The following COL14A1 variants were observed in gnomAD, a reference collection of about 807,000 sequenced individuals.
The protein encoded by COL14A1 is collagen alpha-1(XIV) chain.
A neutral mutation model predicts 230.3 loss-of-function variants in COL14A1; 136 were observed. That is an observed-to-expected ratio of 0.59 (90% confidence interval 0.51 to 0.68). The LOEUF (loss-of-function observed/expected upper bound fraction) is 0.68. COL14A1 is among the 30% of genes least tolerant of loss of function. The pLI is 0.00. For synonymous variants in COL14A1, 792 were observed against 784.1 expected (o/e 1.01, Z -0.17); for missense variants, 1,976 against 2,215.8 (o/e 0.89, Z 2.17).
intron 5 of COL14A1, among the ~76,000 whole-genome samples, chr8:120,184,887 T>G (rs73321671): frequency 1.3e-5 from 2 of 152,210 alleles, no homozygotes; most frequent in Non-Finnish European, 2.9e-5. Flanking sequence ...AAGAATCTGC[T>G]TTATTCAGTC....
At chr8:120,139,475 T>C (rs1167277821) in intron 1 of COL14A1, among the ~76,000 whole-genome samples, 1 of 152,202 alleles carries the variant, frequency 6.6e-6, no homozygotes, top group Non-Finnish European at 1.5e-5. Flanking sequence ...AAATAACTGT[T>C]GCCTCTGTCA....
chr8:120,160,809 G>A (rs1480629254), intron 3 of COL14A1, among the ~76,000 whole-genome samples: 2 of 152,190 alleles, frequency 1.3e-5, no homozygotes, highest in Admixed American at 6.5e-5. Context: ...TCTGTAGGAT[G>A]CTAATAGCTA....
chr8:120,213,163 T>G (rs1326577104), intron 13 of COL14A1, among the ~76,000 whole-genome samples: 2 of 152,194 alleles, frequency 1.3e-5, no homozygotes, highest in African/African-American at 4.8e-5. Flanking sequence ...AAAATTTTGT[T>G]GGTAAGGCTA....
In COL14A1 at chr8:120,280,168, G is replaced by A. The variant is rs1869831; in HGVS notation, c.3646+69G>A. ...TGAAATATTTGACACTGGTTAAATAGTGAGTCCGATCTAGATCTGAGAAAA... is the reference window on the plus strand; with the variant it reads ...TGAAATATTTGACACTGGTTAAATAATGAGTCCGATCTAGATCTGAGAAAA... On this transcript the variant is annotated intron_variant, in intron 29 of 47. Transcript: ENST00000297848. The A allele has an allele frequency of 0.6, 929,025 of 1,541,404 alleles. 282,149 individuals are homozygous for A. Among genetic ancestry groups the A allele is most frequent in the African/African-American group, 0.84 (61,987 of 73,570 alleles).
chr8:120,280,212 CT>C (rs1436978374), intron 29 of COL14A1, 113 bp downstream of exon 29: 2 of 1,228,016 alleles, frequency 1.6e-6, no homozygotes, highest in Non-Finnish European at 2.3e-6. Flanking sequence ...ACTTCCAGTA[CT>C]GCTTGTTATA....
At chr8:120,130,060 G>A (rs1346571527) in intron 1 of COL14A1, among the ~76,000 whole-genome samples, 1 of 152,190 alleles carries the variant, frequency 6.6e-6, no homozygotes, top group Non-Finnish European at 1.5e-5. Context: ...TGGTGCTACT[G>A]CTGGTTGGTG....
chr8:120,195,281 A>G (rs952085203), intron 5 of COL14A1, among the ~76,000 whole-genome samples: 2 of 152,164 alleles, frequency 1.3e-5, no homozygotes, highest in Non-Finnish European at 2.9e-5. Context: ...CAACTTGTTT[A>G]TGAATACTTC....
At chr8:120,176,163 C>T (rs568185661) in intron 5 of COL14A1, among the ~76,000 whole-genome samples, 1 of 152,282 alleles carries the variant, frequency 6.6e-6, no homozygotes, top group African/African-American at 2.4e-5. Flanking sequence ...CTAAGATTAT[C>T]ATGGGCCAAT....
intron 37 of COL14A1, among the ~76,000 whole-genome samples, chr8:120,310,882 T>G (rs1821012762): frequency 6.6e-6 from 1 of 152,202 alleles, no homozygotes; most frequent in Non-Finnish European, 1.5e-5. Context: ...TAAGGCCCTT[T>G]GTAACTTGAC....
At chr8:120,325,625 T>C (rs1362998909) in intron 40 of COL14A1, among the ~76,000 whole-genome samples, 1 of 152,174 alleles carries the variant, frequency 6.6e-6, no homozygotes, top group Non-Finnish European at 1.5e-5. Context: ...CTTGAGTATC[T>C]GGGCTTACAG....
intron 1 of COL14A1, among the ~76,000 whole-genome samples, chr8:120,134,023 T>C (rs1814629504): frequency 6.6e-6 from 1 of 152,078 alleles, no homozygotes; most frequent in Non-Finnish European, 1.5e-5. Context: ...AACATATATG[T>C]ATATAATATG....
rs892621692 is a variant in COL14A1 at position 120,214,015 on chromosome 8, A to G, written c.1597+1438A>G. On this transcript the variant is annotated intron_variant, in intron 13 of 47. Coordinates refer to ENST00000297848, the MANE Select transcript of COL14A1 (RefSeq NM_021110.4). ...TCAGTATGTATTGAATTAATGAAAG[A>G]ACTGGGCTTTGAGGTTAGGAAACAT... 8 of 356,250 alleles carry G rather than the reference A, an allele frequency of 2.2e-5. No homozygotes were observed. In the Admixed American group the frequency reaches 3.3e-4, roughly 15 times the overall value. The allele number at this position is 356,250 out of a possible 1,614,324, so 22.1% of individuals were successfully genotyped here. A position where few individuals can be genotyped will look rare whatever the true frequency, so the allele number is the denominator to read the frequency against.
chr8:120,182,788 G>A (rs1051819241), intron 5 of COL14A1, among the ~76,000 whole-genome samples: 2 of 140,932 alleles, frequency 1.4e-5, no homozygotes, highest in African/African-American at 2.8e-5. Context: ...GTGCAATGGC[G>A]TGATCTCAGC....
chr8:120,309,912 AAAT>A lies in COL14A1; in HGVS notation c.4402-90_4402-88del, dbSNP rs1233562255. On this transcript the variant is annotated intron_variant, in intron 36 of 47. Coordinates refer to ENST00000297848, the MANE Select transcript of COL14A1 (RefSeq NM_021110.4). Reference sequence around the variant, plus strand: ...TACACAGTGTGTTGGCCTTTACATAAAATAATAATGAGTTAATTCATACTATTA... The same window carrying A: ...TACACAGTGTGTTGGCCTTTACATAAAATAATGAGTTAATTCATACTATTA... 136 of 1,219,090 alleles carry A rather than the reference AAAT, an allele frequency of 1.1e-4. No homozygotes were observed. In the South Asian group the frequency reaches 1.7e-3, roughly 15 times the overall value. 75.5% of individuals were successfully genotyped at this position (1,219,090 alleles called of 1,614,324 possible). A position where few individuals can be genotyped will look rare whatever the true frequency, so the allele number is the denominator to read the frequency against.
rs778622149 is a variant in COL14A1, at chr8:120,270,091, G to A, written c.3130G>A (p.Gly1044Arg). 1 of 1,611,622 alleles carries A rather than the reference G, an allele frequency of 6.2e-7. No homozygotes were observed. The highest frequency in any genetic ancestry group is 1.7e-5 in the Admixed American group (1 of 59,754). ...TATGGTGGATGGATCCTGGAGCATT[G>A]GAGATGAAAATTTCAATAAGATCAT... is the stretch of plus-strand genomic sequence containing the variant. ...VFMVDGSWSI[G>R]DENFNKIISF... Residue 1044 changes from glycine to arginine, a missense_variant, in exon 26 of 48, where the codon GGA (glycine) becomes AGA (arginine). Around this residue, in one of 3 missense-constraint regions of COL14A1, gnomAD observed 1,791 missense variants for 2,019.5 expected, o/e 0.89. Coordinates refer to ENST00000297848, the MANE Select transcript of COL14A1 (RefSeq NM_021110.4).
chr8:120,361,914 G>C (rs1450417359), intron 45 of COL14A1, among the ~76,000 whole-genome samples: 1 of 152,228 alleles, frequency 6.6e-6, no homozygotes, highest in Non-Finnish European at 1.5e-5. Context: ...ATGTTAGTGT[G>C]AGCAGGATAA....
At position 120,196,818 on chromosome 8, in the gene COL14A1, C is replaced by A; in HGVS notation, c.464C>A (p.Ala155Glu). ...GTGAAATTTGTCTGTCAAACTCCAG[C>A]AATTGCTGACATTGTAATCCTGGTC... ...EEVKFVCQTPAIADIVILVDG... is the reference protein window; with the variant it reads ...EEVKFVCQTPEIADIVILVDG... Residue 155 changes from alanine to glutamate, a missense_variant, in exon 6 of 48, where the codon GCA becomes GAA. Physicochemically the swap from Ala to Glu is moderately radical, Grantham distance 107 (BLOSUM62 -1). This residue lies in a region of COL14A1 where 181 missense variants were observed against 178.6 expected (regional missense o/e 1.01). Transcript: ENST00000297848. 1 of 1,613,866 alleles carries A rather than the reference C, an allele frequency of 6.2e-7. No individual in the cohort carries two copies. The highest frequency in any genetic ancestry group is 8.5e-7 in the Non-Finnish European group (1 of 1,179,878).
At chr8:120,277,196 T>C (rs1819881144) in intron 26 of COL14A1, among the ~76,000 whole-genome samples, 1 of 152,180 alleles carries the variant, frequency 6.6e-6, no homozygotes, top group Non-Finnish European at 1.5e-5. Context: ...AACTGTTGAC[T>C]CTGCCAGTGA....
intron 18 of COL14A1, 111 bp downstream of exon 18, chr8:120,228,880 C>G (rs1319419275): frequency 5.5e-6 from 5 of 909,562 alleles, no homozygotes; most frequent in Non-Finnish European, 8.6e-6. Flanking sequence ...ACCCTCCCTT[C>G]CTTTTCTGGC....
Sources: allele counts gnomAD v4.1 joint callset (sites outside exome capture counted in the v4.1 genomes callset), GRCh38; gene constraint gnomAD v4.1.1; regional missense constraint gnomAD v4.1.1; transcripts MANE v1.5; gene names NCBI Gene and HGNC (gene_info 2026-07-23, HGNC 2026-07-21).